The following TMPRSS6 variants were observed in gnomAD, a reference collection of about 807,000 sequenced individuals.
TMPRSS6 encodes the protein transmembrane serine protease 6.
TMPRSS6 carries 67 observed loss-of-function variants against 101.5 expected under a neutral mutation model. That is an observed-to-expected ratio of 0.66 (90% confidence interval 0.54 to 0.81). TMPRSS6 has a LOEUF of 0.81. TMPRSS6 is among the 30% of genes least tolerant of loss of function. The pLI, the probability that TMPRSS6 is intolerant of heterozygous loss-of-function variation, is 0.00. For synonymous variants in TMPRSS6, 453 were observed against 464.9 expected, an observed-to-expected ratio of 0.97 and a Z score of 0.33; for missense variants, 1,034 against 1,088.7, an observed-to-expected ratio of 0.95 and a Z score of 0.71.
chr22:37,066,919 G>A lies in TMPRSS6; in HGVS notation c.2157C>T (p.Ile719=), dbSNP rs1601511406. The change falls in exon 17 of 18, where the codon ATC becomes ATT. Residue 719 remains isoleucine (I), a synonymous_variant. Transcript: ENST00000676104. The part of the protein sequence containing the change: ...NALQKVDVQL[I]PQDLCSEVYR... ...AGACCTCGCTGCACAGGTCCTGTGG[G>A]ATCAACTGCACATCCACTTTCTGCA... 1 of 1,614,158 alleles carries A rather than the reference G, an allele frequency of 6.2e-7. No individual in the cohort carries two copies. Among genetic ancestry groups the A allele is most frequent in the Non-Finnish European group, 8.5e-7 (1 of 1,180,048 alleles).
chr22:37,094,381 T>TGATAGATAGATAGATA (rs67454685), intron 6 of TMPRSS6, among the ~76,000 whole-genome samples: 67 of 131,046 alleles, frequency 5.1e-4, no homozygotes, highest in Non-Finnish European at 7.3e-4. Context: ...TAATGATTGA[T>TGATAGATAGATAGATA]GATAGATAGA....
At chr22:37,077,455 G>T (rs1000065012) in intron 10 of TMPRSS6, among the ~76,000 whole-genome samples, 1 of 152,220 alleles carries the variant, frequency 6.6e-6, no homozygotes, top group Non-Finnish European at 1.5e-5. Context: ...TCAAAGCACA[G>T]TCAGGGGACC....
At chr22:37,085,052 CAT>C (rs1266114788) in intron 8 of TMPRSS6, among the ~76,000 whole-genome samples, 4 of 152,150 alleles carry the variant, frequency 2.6e-5, no homozygotes, top group Non-Finnish European at 5.9e-5. Flanking sequence ...ATTAAAAAGA[CAT>C]AAACATTCAA....
Position 37,065,829 on chromosome 22 carries a change from A to C in TMPRSS6, c.*251T>G. The C allele has an allele frequency of 7.2e-6, 4 of 555,312 alleles. No homozygotes were observed. Among genetic ancestry groups the C allele is most frequent in the Non-Finnish European group, 6.5e-6 (2 of 307,690 alleles). The allele number at this position is 555,312 out of a possible 1,614,324, so 34.4% of individuals were successfully genotyped here. ...GGAGGAAGGGGACGGAGGAGAGAGA[A>C]TTGGGAGGCAGAAGGGCTGGGTGTG... On this transcript the variant is annotated 3_prime_UTR_variant, in exon 18 of 18. Transcript: ENST00000676104.
At chr22:37,073,759 T>C (rs939122818) in intron 12 of TMPRSS6, 114 bp from the exon 13 acceptor site, 13 of 765,186 alleles carry the variant, frequency 1.7e-5, no homozygotes, top group Non-Finnish European at 2.6e-5. Context: ...ACAAATCTCT[T>C]TCTCTGCTAC....
intron 10 of TMPRSS6, among the ~76,000 whole-genome samples, chr22:37,078,791 A>G (rs6000556): frequency 0.032 from 769 of 23,782 alleles, 3 homozygotes; most frequent in African/African-American, 0.17. Context: ...GGAGAAGAAG[A>G]AGGAGGAGGA....
Position 37,103,141 on chromosome 22 carries a change from C to A in TMPRSS6, c.202+75G>T. On this transcript the variant is annotated intron_variant, in intron 2 of 17. Transcript: ENST00000676104. The surrounding 1 kb of genome is among the most constrained non-coding windows in gnomAD (Gnocchi z 4.4). ...AGCACGGCTGAGCCTGGAACCCAGT[C>A]CTGTCCTGCTGTGCCTGCTACAGTC... The A allele has an allele frequency of 6.7e-7, 1 of 1,503,352 alleles. No homozygotes were observed. Among genetic ancestry groups the A allele is most frequent in the South Asian group, 1.1e-5 (1 of 88,292 alleles). The allele number at this position is 1,503,352 out of a possible 1,614,324, so 93.1% of individuals were successfully genotyped here. A position where few individuals can be genotyped will look rare whatever the true frequency, so the allele number is the denominator to read the frequency against.
rs1242393333 is a variant in TMPRSS6, at chr22:37,101,989, G to A, written c.202+1227C>T. 3.9e-5 allele frequency among the ~76,000 whole-genome samples: 6 copies of A among 152,164 alleles called. No individual in the cohort carries two copies. Among genetic ancestry groups the A allele is most frequent in the Admixed American group, 6.5e-5 (1 of 15,278 alleles). On this transcript the variant is annotated intron_variant, in intron 2 of 17. Transcript: ENST00000676104. This position sits in a 1 kb window ranked among gnomAD's most constrained non-coding sequence, Gnocchi z 4.1. The stretch of plus-strand genomic sequence containing the variant: ...ACTATAAGTCATTGCAAGCAGGCCC[G>A]TGTCAGACCTGGGGTTCCCAATAGT...
At chr22:37,084,929 C>T (rs952306743) in intron 8 of TMPRSS6, 90 bp from the exon 9 acceptor site, 6 of 916,334 alleles carry the variant, frequency 6.5e-6, no homozygotes, top group Non-Finnish European at 1.0e-5. Context: ...ACCCCTACCA[C>T]CTCTGCCAGC....
At chr22:37,088,415 A>G (rs1015034235) in intron 7 of TMPRSS6, among the ~76,000 whole-genome samples, 10 of 152,204 alleles carry the variant, frequency 6.6e-5, no homozygotes, top group Admixed American at 5.2e-4. Context: ...CCACAGCCCA[A>G]GTGAGACAGA....
intron 16 of TMPRSS6, chr22:37,068,781 C>A: frequency 1.4e-6 from 1 of 730,966 alleles, no homozygotes; most frequent in South Asian, 1.5e-5. Context: ...GCCCAAGGAA[C>A]AGCAGGTGGA....
intron 1 of TMPRSS6, among the ~76,000 whole-genome samples, chr22:37,105,865 G>T (rs75893680): frequency 0.016 from 2,378 of 152,108 alleles, 48 homozygotes; most frequent in African/African-American, 0.05. Context: ...TAGAGACCAG[G>T]TCTCAAACAC....
chr22:37,069,019 G>A lies in TMPRSS6; in HGVS notation c.2113+54C>T, dbSNP rs547860835. On this transcript the variant is annotated intron_variant, in intron 16 of 17. Coordinates refer to ENST00000676104, the MANE Select transcript of TMPRSS6 (RefSeq NM_001374504.1). The surrounding 1 kb of genome is among the most constrained non-coding windows in gnomAD (Gnocchi z 4.8). ...GCCCTTCTCCAGGCCAGGTGTTACG[G>A]CGCAGATCCGCACGGTCTCCCTCCG... 5.1e-5 allele frequency: 78 copies of A among 1,531,494 alleles called. No homozygotes were observed. The Admixed American group carries it at 7.1e-4, about 14-fold the overall frequency. 94.9% of individuals were successfully genotyped at this position (1,531,494 alleles called of 1,614,324 possible). A position where few individuals can be genotyped will look rare whatever the true frequency, so the allele number is the denominator to read the frequency against.
In TMPRSS6 at chr22:37,084,420, G is replaced by A. The variant is rs760913680; in HGVS notation, c.1087-16C>T. 2.4e-5 allele frequency: 39 copies of A among 1,597,086 alleles called. No individual in the cohort carries two copies. The East Asian group carries it at 2.7e-4, about 11-fold the overall frequency. On this transcript the variant is annotated splice_polypyrimidine_tract_variant and intron_variant, in intron 9 of 17. Transcript: ENST00000676104. ...GAGAGGGCACCTGGGAGGGAGGAGC[G>A]GGCCATCAGGTGGCCCATGGGGTGT...
At chr22:37,110,363 G>A (rs1056239770), upstream of TMPRSS6, among the ~76,000 whole-genome samples, 2 of 151,810 alleles carry the variant, frequency 1.3e-5, no homozygotes, top group South Asian at 2.1e-4. Context: ...GGCTGGTCTC[G>A]AACTCCTGAC....
intron 10 of TMPRSS6, among the ~76,000 whole-genome samples, chr22:37,078,973 A>AAAAAGAAAGAAAG (rs1555888508): frequency 5.0e-4 from 53 of 106,586 alleles, no homozygotes; most frequent in Non-Finnish European, 9.3e-4. Context: ...GAAAGAAAGA[A>AAAAAGAAAGAAAG]AAAGAAAGAA....
At chr22:37,072,672 GGATGGAT>G (rs145261112) in intron 13 of TMPRSS6, among the ~76,000 whole-genome samples, 4,672 of 142,856 alleles carry the variant, frequency 0.033, 386 homozygotes, top group African/African-American at 0.12. Context: ...GATGATGGAT[GGATGGAT>G]GATGGATGGA....
chr22:37,073,666 G>A lies in TMPRSS6; in HGVS notation c.1442-21C>T, dbSNP rs530389954. 1.0e-5 allele frequency: 16 copies of A among 1,571,190 alleles called. No individual in the cohort carries two copies. The South Asian group carries it at 1.7e-4, about 16-fold the overall frequency. On this transcript the variant is annotated intron_variant, in intron 12 of 17. Coordinates refer to ENST00000676104, the MANE Select transcript of TMPRSS6 (RefSeq NM_001374504.1). Reference sequence around the variant, plus strand: ...GCAAACTGTGTGGGGACACAGAGAGGGGACAGGTGGGAGGAAGCCAGAGGA... The same window carrying A: ...GCAAACTGTGTGGGGACACAGAGAGAGGACAGGTGGGAGGAAGCCAGAGGA...
Position 37,109,698 on chromosome 22 carries a change from G to A in TMPRSS6, c.-197C>T, listed in dbSNP as rs1042547158. 2 of 152,362 alleles carry A rather than the reference G, an allele frequency of 1.3e-5. No individual in the cohort carries two copies. The highest frequency in any genetic ancestry group is 6.5e-5 in the Admixed American group (1 of 15,286). 9.4% of individuals were successfully genotyped at this position (152,362 alleles called of 1,614,324 possible). A position where few individuals can be genotyped will look rare whatever the true frequency, so the allele number is the denominator to read the frequency against. ...CATGGAACTCCTCCTGCTGGGTCCTGGACAGCACTGTGACTAAGTACAGGT... is the reference window on the plus strand; with the variant it reads ...CATGGAACTCCTCCTGCTGGGTCCTAGACAGCACTGTGACTAAGTACAGGT... On this transcript the variant is annotated 5_prime_UTR_variant, in exon 1 of 18. Coordinates refer to ENST00000676104, the MANE Select transcript of TMPRSS6 (RefSeq NM_001374504.1).
Sources: gnomAD v4.1 joint callset for allele counts (sites outside exome capture counted in the v4.1 genomes callset) on GRCh38, gnomAD v4.1.1 for gene constraint, Gnocchi (gnomAD v3.1) non-coding constraint, MANE v1.5 for transcripts, NCBI Gene and HGNC (gene_info 2026-07-23, HGNC 2026-07-21) for gene names.